The following CTNNA2 variants were observed in gnomAD, a reference collection of about 807,000 sequenced individuals.
CTNNA2 encodes catenin alpha-2.
In CTNNA2, 42 loss-of-function variants were observed where a neutral mutation model predicts 101.0. That is an observed-to-expected ratio of 0.42 (90% confidence interval 0.32 to 0.54). CTNNA2 has a LOEUF of 0.54. CTNNA2 is among the 20% of genes least tolerant of loss of function. CTNNA2 has a pLI of 0.14. For synonymous variants in CTNNA2, 450 were observed against 456.4 expected, an observed-to-expected ratio of 0.99 and a Z score of 0.18; for missense variants, 871 against 1,223.1, an observed-to-expected ratio of 0.71 and a Z score of 4.29.
chr2:80,081,459 G>C (rs1699139008), intron 7 of CTNNA2, among the ~76,000 whole-genome samples: 1 of 151,996 alleles, frequency 6.6e-6, no homozygotes, highest in Non-Finnish European at 1.5e-5. Context: ...GCTCCCTTCA[G>C]AAACATGTGA....
At chr2:80,270,007 A>G (rs1227709108) in intron 7 of CTNNA2, among the ~76,000 whole-genome samples, 4 of 152,204 alleles carry the variant, frequency 2.6e-5, no homozygotes, top group African/African-American at 4.8e-5. Flanking sequence ...AAGAGGCTAT[A>G]ATCAGCGCCA....
chr2:79,854,472 C>A (rs541882968), intron 3 of CTNNA2, among the ~76,000 whole-genome samples: 1 of 152,320 alleles, frequency 6.6e-6, no homozygotes, highest in African/African-American at 2.4e-5. Flanking sequence ...GTTGAATAAG[C>A]ACTAGCTCAC....
intron 7 of CTNNA2, among the ~76,000 whole-genome samples, chr2:80,015,028 G>A (rs530736655): frequency 6.6e-6 from 1 of 152,234 alleles, no homozygotes; most frequent in African/African-American, 2.4e-5. Flanking sequence ...GGACCAAAAA[G>A]TTATTTCAAT....
chr2:80,261,310 C>T (rs1029302830), intron 7 of CTNNA2, among the ~76,000 whole-genome samples: 4 of 151,990 alleles, frequency 2.6e-5, no homozygotes, highest in African/African-American at 9.7e-5. Context: ...GATAATTTAG[C>T]TCCTAGGAAT....
intron 7 of CTNNA2, among the ~76,000 whole-genome samples, chr2:79,952,293 G>C (rs371810682): frequency 6.6e-6 from 1 of 151,906 alleles, no homozygotes. Context: ...ACCCCACACC[G>C]TGCCAGTCCA....
chr2:79,311,137 C>T (rs1245934984), intron 2 of CTNNA2, among the ~76,000 whole-genome samples: 1 of 152,220 alleles, frequency 6.6e-6, no homozygotes, highest in Non-Finnish European at 1.5e-5. Flanking sequence ...TGGCCGGGCG[C>T]TGTGGCTCAC....
chr2:79,963,070 C>CAAA (rs56764501), intron 7 of CTNNA2, among the ~76,000 whole-genome samples: 20 of 66,170 alleles, frequency 3.0e-4, no homozygotes, highest in South Asian at 7.0e-4. Context: ...GACTCCGTCT[C>CAAA]AAAAAAAAAA....
intron 7 of CTNNA2, among the ~76,000 whole-genome samples, chr2:80,110,718 C>T (rs890541855): frequency 6.6e-6 from 1 of 152,132 alleles, no homozygotes; most frequent in African/African-American, 2.4e-5. Context: ...TCAGAATTTC[C>T]AGGTCTTCCC....
chr2:80,329,961 T>C (rs998459567), intron 7 of CTNNA2, among the ~76,000 whole-genome samples: 2 of 152,264 alleles, frequency 1.3e-5, no homozygotes, highest in African/African-American at 4.8e-5. Context: ...CTTATGGCTC[T>C]TCCGAAGTAC....
chr2:79,463,300 C>T (rs373977298), intron 4 of CTNNA2, among the ~76,000 whole-genome samples: 19 of 150,398 alleles, frequency 1.3e-4, no homozygotes, highest in East Asian at 5.9e-4. Context: ...CTCAGCTACT[C>T]GGGAGGCTGA....
chr2:79,355,167 C>G (rs1357340800), intron 3 of CTNNA2, among the ~76,000 whole-genome samples: 1 of 152,056 alleles, frequency 6.6e-6, no homozygotes, highest in Non-Finnish European at 1.5e-5. Flanking sequence ...TAATGTGACA[C>G]CTCCAGCTTT....
chr2:80,097,577 C>T (rs765954000), intron 7 of CTNNA2, among the ~76,000 whole-genome samples: 2 of 152,182 alleles, frequency 1.3e-5, no homozygotes, highest in Admixed American at 6.5e-5. Flanking sequence ...GAGAAGTTCT[C>T]CTGGATAATA....
At chr2:79,353,779 A>T (rs1366124323) in intron 3 of CTNNA2, among the ~76,000 whole-genome samples, 1 of 152,056 alleles carries the variant, frequency 6.6e-6, no homozygotes, top group African/African-American at 2.4e-5. Flanking sequence ...CTATGTGCTT[A>T]AGTGTGTTTT....
chr2:79,991,414 A>G (rs1366881762), intron 7 of CTNNA2, among the ~76,000 whole-genome samples: 1 of 152,080 alleles, frequency 6.6e-6, no homozygotes, highest in African/African-American at 2.4e-5. Flanking sequence ...TGATACATGA[A>G]CTATCCTTAT....
At chr2:80,204,407 G>A (rs936422519) in intron 7 of CTNNA2, among the ~76,000 whole-genome samples, 1 of 152,096 alleles carries the variant, frequency 6.6e-6, no homozygotes, top group African/African-American at 2.4e-5. Flanking sequence ...AATTTCTTCT[G>A]CCAGATACCC....
intron 7 of CTNNA2, among the ~76,000 whole-genome samples, chr2:80,095,429 G>A (rs1224666062): frequency 0.019 from 2,566 of 136,790 alleles, 61 homozygotes; most frequent in African/African-American, 0.059. Context: ...GGATTTTTGC[G>A]TCAATGTTCA....
chr2:79,470,437 G>A (rs1670986201), intron 4 of CTNNA2, among the ~76,000 whole-genome samples: 1 of 152,116 alleles, frequency 6.6e-6, no homozygotes, highest in African/African-American at 2.4e-5. Flanking sequence ...AGGCAAGAAG[G>A]GATATTACAA....
rs576128397 is a variant in CTNNA2, at chr2:79,187,391, A to C, written c.-524+1960A>C. On this transcript the variant is annotated intron_variant, in intron 1 of 21. Transcript: ENST00000466387. ...TTCAAGCAATTCAGTGCAGTGGCGC[A>C]ATCTCAGCTCAAGTGATTCTCCTGC... 5.6e-4 allele frequency among the ~76,000 whole-genome samples: 85 copies of C among 151,140 alleles called. 1 individual carries two copies. Among genetic ancestry groups the C allele is most frequent in the African/African-American group, 2.0e-3 (83 of 41,170 alleles).
chr2:79,215,785 A>G (rs1346217957), intron 2 of CTNNA2, among the ~76,000 whole-genome samples: 3 of 152,154 alleles, frequency 2.0e-5, no homozygotes, highest in Non-Finnish European at 4.4e-5. Flanking sequence ...TAGTCACAGA[A>G]CGAAACTGTA....
Sources: allele counts gnomAD v4.1 joint callset (sites outside exome capture counted in the v4.1 genomes callset), GRCh38; gene constraint gnomAD v4.1.1; transcripts MANE v1.5; gene names NCBI Gene and HGNC (gene_info 2026-07-23, HGNC 2026-07-21).